The following KLRG1 variants were observed in gnomAD, a reference collection of about 807,000 sequenced individuals.
The protein encoded by KLRG1 is killer cell lectin like receptor G1, also known as killer cell lectin-like receptor subfamily G member 1.
In KLRG1, 16 loss-of-function variants were observed where a neutral mutation model predicts 21.8. That is an observed-to-expected ratio of 0.73 (90% confidence interval 0.50 to 1.11). The LOEUF is 1.11. Ranked by LOEUF, KLRG1 falls within the 50% of genes most tolerant of loss-of-function variation. KLRG1 has a pLI of 0.00. For synonymous variants in KLRG1, 69 were observed against 75.9 expected, an observed-to-expected ratio of 0.91 and a Z score of 0.47; for missense variants, 173 against 218.3, an observed-to-expected ratio of 0.79 and a Z score of 1.31.
chr12:9,071,963 G>A, the KLRG1 span, among the ~76,000 whole-genome samples: 6 of 152,180 alleles, frequency 3.9e-5, no homozygotes, highest in South Asian at 1.0e-3. Flanking sequence ...TATAACCTGA[G>A]ATTTATTATT....
the KLRG1 span, among the ~76,000 whole-genome samples, chr12:9,038,160 C>T: frequency 2.0e-5 from 3 of 152,202 alleles, no homozygotes; most frequent in Non-Finnish European, 4.4e-5. Flanking sequence ...ATTCAGGAGG[C>T]TGAGGCTGGA....
chr12:9,003,399 A>G (rs896852156), intron 3 of KLRG1, among the ~76,000 whole-genome samples: 1 of 152,046 alleles, frequency 6.6e-6, no homozygotes, highest in Non-Finnish European at 1.5e-5. Context: ...AATTTTATAT[A>G]CTTTGAATGC....
chr12:9,083,752 C>CA, the KLRG1 span, among the ~76,000 whole-genome samples: 3 of 122,710 alleles, frequency 2.4e-5, no homozygotes, highest in South Asian at 4.6e-4. Context: ...AGTATAGAAT[C>CA]AGAAAAAAAA....
chr12:8,964,629 A>G (rs1302328353), intron 1 of KLRG1, among the ~76,000 whole-genome samples: 20 of 142,532 alleles, frequency 1.4e-4, no homozygotes, highest in South Asian at 6.9e-4. Context: ...TAATGTTGAC[A>G]GTGGGGTGTT....
chr12:8,991,611 G>T (rs180961471), intron 1 of KLRG1, among the ~76,000 whole-genome samples: 96 of 151,920 alleles, frequency 6.3e-4, no homozygotes, highest in African/African-American at 1.7e-3. Context: ...TCTGCAGAAT[G>T]TTTCTTTGTC....
At chr12:9,189,587 A>T in the KLRG1 span, among the ~76,000 whole-genome samples, 1 of 152,208 alleles carries the variant, frequency 6.6e-6, no homozygotes, top group Non-Finnish European at 1.5e-5. Context: ...AACTGCAAAG[A>T]TTTCATGAAG....
the KLRG1 span, chr12:9,152,991 C>G: frequency 1.2e-6 from 2 of 1,613,348 alleles, no homozygotes; most frequent in Non-Finnish European, 1.7e-6. Flanking sequence ...CTCTCTTTTT[C>G]TGGACCCCTC....
the KLRG1 span, chr12:9,152,933 T>G: frequency 2.5e-6 from 4 of 1,614,142 alleles, no homozygotes; most frequent in East Asian, 8.9e-5. Context: ...TCTGGAAGAA[T>G]ATTGTATTTC....
the KLRG1 span, chr12:9,072,746 G>T: frequency 4.3e-6 from 7 of 1,614,084 alleles, no homozygotes; most frequent in Admixed American, 1.2e-4. Flanking sequence ...GGCGGTTGTT[G>T]TTGTCCACTT....
the KLRG1 span, among the ~76,000 whole-genome samples, chr12:9,180,522 C>A: frequency 6.6e-6 from 1 of 152,166 alleles, no homozygotes; most frequent in African/African-American, 2.4e-5. Flanking sequence ...TGATCTTCGA[C>A]AAACCTGAGA....
chr12:9,089,812 AG>A, the KLRG1 span: 1 of 902,100 alleles, frequency 1.1e-6, no homozygotes, highest in Non-Finnish European at 1.5e-6. Context: ...GAGATACATG[AG>A]AATAATATTA....
the KLRG1 span, chr12:9,104,432 T>C: frequency 1.3e-6 from 2 of 1,549,684 alleles, no homozygotes; most frequent in Non-Finnish European, 1.7e-6. Context: ...TTAGTTATAT[T>C]GGTAATAACT....
the KLRG1 span, chr12:9,095,805 C>T: frequency 3.7e-4 from 374 of 1,000,400 alleles, 1 homozygote; most frequent in African/African-American, 6.2e-3. Context: ...CAGGCCGGAC[C>T]GCGGACTGCA....
chr12:9,104,837 A>G, the KLRG1 span, among the ~76,000 whole-genome samples: 1 of 152,310 alleles, frequency 6.6e-6, no homozygotes, highest in South Asian at 2.1e-4. Flanking sequence ...TGTGCCCCAA[A>G]CACCTATTTT....
chr12:9,159,298 A>T, the KLRG1 span, among the ~76,000 whole-genome samples: 1 of 152,178 alleles, frequency 6.6e-6, no homozygotes, highest in South Asian at 2.1e-4. Context: ...GCCACTTATT[A>T]GATGTTTGCT....
chr12:9,158,648 G>A, the KLRG1 span: 2 of 1,479,490 alleles, frequency 1.4e-6, no homozygotes, highest in African/African-American at 2.8e-5. Flanking sequence ...TGTACACACA[G>A]GCTCCCCCAT....
chr12:9,029,818 A>G, the KLRG1 span, among the ~76,000 whole-genome samples: 1 of 151,976 alleles, frequency 6.6e-6, no homozygotes, highest in East Asian at 1.9e-4. Context: ...GCGCAATGGC[A>G]TGATCTCGGC....
the KLRG1 span, chr12:9,077,512 T>A: frequency 6.8e-7 from 1 of 1,475,410 alleles, no homozygotes; most frequent in Non-Finnish European, 9.3e-7. Context: ...GAATTCATCC[T>A]TACCCATATC....
At chr12:9,103,706 C>T in the KLRG1 span, among the ~76,000 whole-genome samples, 1 of 152,172 alleles carries the variant, frequency 6.6e-6, no homozygotes, top group Non-Finnish European at 1.5e-5. Context: ...CCATAACGTC[C>T]TCAAGGATCA....
Sources: allele counts gnomAD v4.1 joint callset (sites outside exome capture counted in the v4.1 genomes callset), GRCh38; gene constraint gnomAD v4.1.1; transcripts MANE v1.5; gene names NCBI Gene and HGNC (gene_info 2026-07-23, HGNC 2026-07-21).